Variants in DLG2 observed in about 807,000 individuals in gnomAD.
The protein encoded by DLG2 is discs large MAGUK scaffold protein 2.
Under a neutral mutation model 132.5 loss-of-function variants are expected in DLG2, and 45 were observed. The ratio of observed to expected loss-of-function variants is 0.34; its 90% confidence interval spans 0.27 to 0.44. DLG2 has a LOEUF of 0.44. Among genes scored for constraint, DLG2 ranks in the 20% least tolerant of loss-of-function variants. The probability of loss-of-function intolerance (pLI) is 1.00; values close to 1 mark genes in which losing one functional copy is unlikely to be tolerated. For synonymous variants in DLG2, 424 were observed against 419.6 expected, an observed-to-expected ratio of 1.01 and a Z score of -0.13; for missense variants, 1,045 against 1,196.9, an observed-to-expected ratio of 0.87 and a Z score of 1.87.
intron 3 of DLG2, among the ~76,000 whole-genome samples, chr11:85,484,347 A>C (rs964258287): frequency 4.7e-5 from 7 of 149,938 alleles, no homozygotes; most frequent in Non-Finnish European, 8.9e-5. Flanking sequence ...CAAAATTGAC[A>C]AATGGGATCT....
chr11:85,542,634 T>A (rs1237232190), intron 3 of DLG2, among the ~76,000 whole-genome samples: 1 of 152,218 alleles, frequency 6.6e-6, no homozygotes, highest in Non-Finnish European at 1.5e-5. Context: ...AAGGAGATTT[T>A]AATATTCTCA....
chr11:83,812,669 C>T (rs2047651306), intron 17 of DLG2, among the ~76,000 whole-genome samples: 1 of 152,170 alleles, frequency 6.6e-6, no homozygotes, highest in African/African-American at 2.4e-5. Context: ...TAAAATAATG[C>T]TTTGCCTGTT....
intron 6 of DLG2, among the ~76,000 whole-genome samples, chr11:85,108,336 T>C (rs1320266584): frequency 3.3e-5 from 5 of 152,052 alleles, no homozygotes; most frequent in African/African-American, 1.2e-4. Context: ...ATAGAGACTA[T>C]CAATTTATTA....
At chr11:83,832,062 T>A (rs990577194) in intron 17 of DLG2, among the ~76,000 whole-genome samples, 6 of 152,166 alleles carry the variant, frequency 3.9e-5, no homozygotes, top group African/African-American at 1.4e-4. Flanking sequence ...TTAGGTAAAC[T>A]TTGACAAGCT....
chr11:85,577,667 T>C lies in DLG2; in HGVS notation c.40+20990A>G, dbSNP rs148360482. ...ATAAGCCAATAGATATTTAAAACCA[T>C]GGGATTGAATGAACCTACCTAAGTA... On this transcript the variant is annotated intron_variant, in intron 3 of 27. Transcript: ENST00000376104. Among the ~76,000 whole-genome samples, 167 of 152,226 alleles carry C rather than the reference T, an allele frequency of 1.1e-3. 1 individual carries two copies. The highest frequency in any genetic ancestry group is 2.0e-3 in the Non-Finnish European group (134 of 67,982).
intron 3 of DLG2, among the ~76,000 whole-genome samples, chr11:85,428,518 T>G (rs2090937524): frequency 6.6e-6 from 1 of 152,246 alleles, no homozygotes; most frequent in Non-Finnish European, 1.5e-5. Flanking sequence ...AACCTGCTCC[T>G]GTATGACTAC....
Position 83,457,521 on chromosome 11 carries a change from A to G in DLG2, c.*2297T>C, listed in dbSNP as rs1366957657. ...TAAATAGTTATATTACTACAAAACCAAGGGTTGGTGGTTCAATTTGATTGT... is the reference window on the plus strand; with the variant it reads ...TAAATAGTTATATTACTACAAAACCGAGGGTTGGTGGTTCAATTTGATTGT... On this transcript the variant is annotated 3_prime_UTR_variant, in exon 28 of 28. Transcript: ENST00000376104. The G allele has an allele frequency of 6.6e-6, 1 of 152,662 alleles. No individual in the cohort carries two copies. Among genetic ancestry groups the G allele is most frequent in the Non-Finnish European group, 1.5e-5 (1 of 68,048 alleles). The allele number at this position is 152,662 out of a possible 1,614,324, so 9.5% of individuals were successfully genotyped here. A position where few individuals can be genotyped will look rare whatever the true frequency, so the allele number is the denominator to read the frequency against.
At chr11:85,430,962 ACT>A (rs1040249465) in intron 3 of DLG2, among the ~76,000 whole-genome samples, 7 of 152,116 alleles carry the variant, frequency 4.6e-5, no homozygotes, top group African/African-American at 1.2e-4. Flanking sequence ...ACAGAGCGAG[ACT>A]CTGTCTCAAA....
chr11:84,172,508 T>G (rs2095847458), intron 8 of DLG2, among the ~76,000 whole-genome samples: 1 of 147,742 alleles, frequency 6.8e-6, no homozygotes, highest in Non-Finnish European at 1.5e-5. Flanking sequence ...ATACTATAAT[T>G]TTTTCCATTC....
intron 6 of DLG2, among the ~76,000 whole-genome samples, chr11:84,735,109 T>G (rs973971091): frequency 6.6e-6 from 1 of 152,104 alleles, no homozygotes; most frequent in East Asian, 1.9e-4. Context: ...CTTTTTTGAT[T>G]CTGTCTCTGC....
chr11:84,809,589 T>C (rs2076348689), intron 6 of DLG2, among the ~76,000 whole-genome samples: 1 of 151,934 alleles, frequency 6.6e-6, no homozygotes, highest in South Asian at 2.1e-4. Flanking sequence ...GGTAACACTA[T>C]AAAAGCATAC....
chr11:84,479,782 G>A (rs1281533120), intron 7 of DLG2, among the ~76,000 whole-genome samples: 1 of 151,930 alleles, frequency 6.6e-6, no homozygotes, highest in Non-Finnish European at 1.5e-5. Flanking sequence ...ATAATAGGTA[G>A]GAAGACTTAG....
At chr11:85,183,953 T>C (rs2079910628) in intron 4 of DLG2, among the ~76,000 whole-genome samples, 1 of 152,020 alleles carries the variant, frequency 6.6e-6, no homozygotes, top group East Asian at 1.9e-4. Context: ...ATTAAATTCC[T>C]ACCAAAAAAT....
At chr11:84,546,030 G>A (rs1172217786) in intron 6 of DLG2, among the ~76,000 whole-genome samples, 1 of 152,114 alleles carries the variant, frequency 6.6e-6, no homozygotes, top group African/African-American at 2.4e-5. Context: ...TGCTGGGATT[G>A]TGAGAGTGAC....
chr11:85,493,361 T>A (rs1197268200), intron 3 of DLG2, among the ~76,000 whole-genome samples: 1 of 152,194 alleles, frequency 6.6e-6, no homozygotes, highest in Non-Finnish European at 1.5e-5. Context: ...TTCTCCAAGA[T>A]CTTTTCAAGC....
intron 3 of DLG2, among the ~76,000 whole-genome samples, chr11:85,544,028 C>T (rs779839294): frequency 3.3e-5 from 5 of 152,008 alleles, no homozygotes; most frequent in African/African-American, 9.7e-5. Flanking sequence ...CTTTAGTTGC[C>T]GCTGCTTTTG....
intron 3 of DLG2, among the ~76,000 whole-genome samples, chr11:85,289,958 T>A (rs1264029422): frequency 6.6e-6 from 1 of 152,180 alleles, no homozygotes; most frequent in Non-Finnish European, 1.5e-5. Context: ...ACATTTCAAT[T>A]CACTAAGTAG....
intron 6 of DLG2, among the ~76,000 whole-genome samples, chr11:85,022,605 G>A (rs765143164): frequency 7.2e-5 from 11 of 151,944 alleles, no homozygotes; most frequent in African/African-American, 1.9e-4. Flanking sequence ...TTTGAGCCAC[G>A]TTTTGTCTGT....
rs190879228 is a variant in DLG2, at chr11:84,735,189, A to G, written c.358-200458T>C. On this transcript the variant is annotated intron_variant, in intron 6 of 27. Coordinates refer to ENST00000376104, the MANE Select transcript of DLG2 (RefSeq NM_001142699.3). ...GGGAAGATTCCTTCTTTTTCTATTG[A>G]TTGGAATAGTTTCAGAAGGAATGGT... 6.1e-3 allele frequency among the ~76,000 whole-genome samples: 929 copies of G among 152,096 alleles called. 4 individuals carry two copies. Among genetic ancestry groups the G allele is most frequent in the Non-Finnish European group, 0.01 (698 of 67,968 alleles).
Sources: gnomAD v4.1 joint callset for allele counts (sites outside exome capture counted in the v4.1 genomes callset) on GRCh38, gnomAD v4.1.1 for gene constraint, MANE v1.5 for transcripts, NCBI Gene and HGNC (gene_info 2026-07-23, HGNC 2026-07-21) for gene names.